Variants in YWHAZ observed in about 807,000 individuals in gnomAD.
YWHAZ encodes the protein tyrosine 3-monooxygenase/tryptophan 5-monooxygenase activation protein zeta.
For synonymous variants in YWHAZ, 87 were observed against 103.6 expected (o/e 0.84, Z 0.97); for missense variants, 79 against 284.8 (o/e 0.28, Z 5.20).
chr8:100,943,164 A>G (rs1452128053), intron 2 of YWHAZ, among the ~76,000 whole-genome samples: 6 of 152,236 alleles, frequency 3.9e-5, no homozygotes, highest in Non-Finnish European at 7.3e-5. Context: ...TTCAAAAGGA[A>G]AAGGAATGCT....
chr8:100,925,339 C>T (rs1304707589), intron 2 of YWHAZ, among the ~76,000 whole-genome samples: 1 of 152,286 alleles, frequency 6.6e-6, no homozygotes, highest in Non-Finnish European at 1.5e-5. Context: ...GGGGCATGAC[C>T]GTTCACATTT....
intron 2 of YWHAZ, among the ~76,000 whole-genome samples, chr8:100,928,536 A>G (rs886217326): frequency 6.6e-6 from 1 of 152,090 alleles, no homozygotes; most frequent in African/African-American, 2.4e-5. Context: ...GTTCGAGACC[A>G]GCCTGGCCAA....
intron 2 of YWHAZ, among the ~76,000 whole-genome samples, chr8:100,934,323 C>CT (rs11398423): frequency 0.5 from 71,602 of 144,586 alleles, 17,607 homozygotes; most frequent in East Asian, 0.63. Context: ...GAGACCCTAT[C>CT]TTTTTTTTTT....
At chr8:100,934,307 C>T (rs1362767574) in intron 2 of YWHAZ, among the ~76,000 whole-genome samples, 1 of 146,018 alleles carries the variant, frequency 6.8e-6, no homozygotes, top group Non-Finnish European at 1.5e-5. Flanking sequence ...GCATGGGGGA[C>T]AGAGGGAGAC....
chr8:100,943,015 T>C (rs1313786608), intron 2 of YWHAZ, among the ~76,000 whole-genome samples: 2 of 152,208 alleles, frequency 1.3e-5, no homozygotes, highest in Non-Finnish European at 2.9e-5. Context: ...TCAGCGTGAA[T>C]GTAAAGGATA....
At chr8:100,951,512 C>A (rs912562904) in intron 1 of YWHAZ, 1 of 985,452 alleles carries the variant, frequency 1.0e-6, no homozygotes. Context: ...CGGGCGGAAG[C>A]GAGAAGGGCG....
In YWHAZ at chr8:100,948,256, C is replaced by T; in HGVS notation, c.294+340G>A. ...TAAAATTCCTTTATCCACAGATGTA[C>T]ATTTAAGATAACCAGCTATAGAGCT... On this transcript the variant is annotated intron_variant, in intron 2 of 5. Transcript: ENST00000395958. The surrounding 1 kb of genome is among the most constrained non-coding windows in gnomAD (Gnocchi z 4.2). 1 of 918,054 alleles carries T rather than the reference C, an allele frequency of 1.1e-6. No homozygotes were observed. Among genetic ancestry groups the T allele is most frequent in the Non-Finnish European group, 1.6e-6 (1 of 636,424 alleles). The allele number at this position is 918,054 out of a possible 1,614,324, so 56.9% of individuals were successfully genotyped here.
chr8:100,940,889 C>A (rs1281178573), intron 2 of YWHAZ, among the ~76,000 whole-genome samples: 1 of 152,178 alleles, frequency 6.6e-6, no homozygotes, highest in Admixed American at 6.5e-5. Flanking sequence ...GTAGTATACA[C>A]TTTAGTATCC....
At position 100,948,952 on chromosome 8, in the gene YWHAZ, G is replaced by C; in HGVS notation, c.-11-52C>G. ...AAAATTTTTCCCATCAAAATAAACA[G>C]ACTCAAAATTATACCTGTGGTAAAT... On this transcript the variant is annotated intron_variant, in intron 1 of 5. Transcript: ENST00000395958. The surrounding 1 kb of genome is among the most constrained non-coding windows in gnomAD (Gnocchi z 4.2). The C allele has an allele frequency of 6.6e-7, 1 of 1,520,022 alleles. No homozygotes were observed. The highest frequency in any genetic ancestry group is 8.7e-7 in the Non-Finnish European group (1 of 1,143,028). 94.2% of individuals were successfully genotyped at this position (1,520,022 alleles called of 1,614,324 possible).
In YWHAZ at chr8:100,948,599, T is replaced by C; in HGVS notation, c.291A>G (p.Val97=). ...GCCAGACTGAATTGATTCTCACCAGTACATCATTGCAGATATCTCTTAGCT... is the reference window on the plus strand; with the variant it reads ...GCCAGACTGAATTGATTCTCACCAGCACATCATTGCAGATATCTCTTAGCT... ...ETELRDICND[V]LSLLEKFLIP... Residue 97 remains valine, a synonymous_variant, in exon 2 of 6, where the codon GTA becomes GTG. Transcript: ENST00000395958. The surrounding 1 kb of genome is among the most constrained non-coding windows in gnomAD (Gnocchi z 4.2). 7.4e-6 allele frequency: 12 copies of C among 1,611,282 alleles called. No homozygotes were observed. The highest frequency in any genetic ancestry group is 1.0e-5 in the Non-Finnish European group (12 of 1,179,692).
Position 100,920,730 on chromosome 8 carries a change from C to T in YWHAZ, c.701G>A (p.Gly234Glu). Residue 234 changes from glycine (G) to glutamate (E), a missense_variant, in exon 6 of 6, where the codon GGA becomes GAA. Transcript: ENST00000395958. Reference sequence around the variant, plus strand: ...TCCTTCTCCTGCTTCAGCTTCGTCTCCTTGGGTATCCGATGTCCACAACTG... The same window carrying T: ...TCCTTCTCCTGCTTCAGCTTCGTCTTCTTGGGTATCCGATGTCCACAACTG... The part of the protein sequence containing the change: ...NLTLWTSDTQ[G>E]DEAEAGEGGE... The T allele has an allele frequency of 1.9e-6, 3 of 1,579,832 alleles. No individual in the cohort carries two copies. The highest frequency in any genetic ancestry group is 2.6e-6 in the Non-Finnish European group (3 of 1,164,746).
chr8:100,938,647 T>C (rs1268813260), intron 2 of YWHAZ, among the ~76,000 whole-genome samples: 1 of 152,218 alleles, frequency 6.6e-6, no homozygotes, highest in Admixed American at 6.5e-5. Flanking sequence ...GTAGAGACAC[T>C]GGGCCTTGTA....
Position 100,916,679 on chromosome 8 carries a change from A to C in YWHAZ, c.*4014T>G, listed in dbSNP as rs1812726908. 1 of 152,244 alleles carries C rather than the reference A, an allele frequency of 6.6e-6. No individual in the cohort carries two copies. The highest frequency in any genetic ancestry group is 6.5e-5 in the Admixed American group (1 of 15,286). The allele number at this position is 152,244 out of a possible 1,614,324, so 9.4% of individuals were successfully genotyped here. On this transcript the variant is annotated 3_prime_UTR_variant, in exon 6 of 6. Coordinates refer to ENST00000395958, the MANE Select transcript of YWHAZ (RefSeq NM_145690.3). ...AACTCAAATATGATCAAATATTCAC[A>C]TCTCTGGTATCACCTAGGATTGGCT...
chr8:100,952,023 T>A (rs1383083511), upstream of YWHAZ: 8 of 994,678 alleles, frequency 8.0e-6, no homozygotes, highest in Non-Finnish European at 9.6e-6. Context: ...ACTCTGTCCC[T>A]GGATCTCGCT....
chr8:100,920,327 T>C lies in YWHAZ; in HGVS notation c.*366A>G. 1 of 209,878 alleles carries C rather than the reference T, an allele frequency of 4.8e-6. No homozygotes were observed. The highest frequency in any genetic ancestry group is 1.3e-4 in the East Asian group (1 of 7,460). 13.0% of individuals were successfully genotyped at this position (209,878 alleles called of 1,614,324 possible). ...TGACTGGAACCAATGATCCCTTTTA[T>C]TCCCCGCCAGGACAAACCAGTATGT... On this transcript the variant is annotated 3_prime_UTR_variant, in exon 6 of 6. Transcript: ENST00000395958.
At position 100,934,157 on chromosome 8, in the gene YWHAZ, C is replaced by CAAAAAAAAAA. The variant is rs35069019; in HGVS notation, c.295-9128_295-9119dup. Among the ~76,000 whole-genome samples the CAAAAAAAAAA allele has an allele frequency of 3.8e-5, 3 of 78,228 alleles. 1 individual carries two copies. Among genetic ancestry groups the CAAAAAAAAAA allele is most frequent in the African/African-American group, 1.5e-4 (3 of 20,456 alleles). The allele number at this position is 78,228 out of a possible 152,430, so 51.3% of individuals were successfully genotyped here. ...CTGGGCAACAAAGCTAGACTCGTCT[C>CAAAAAAAAAA]AAAAAAAAAAAAAAAAAAAAAAAAA... is the stretch of plus-strand genomic sequence containing the variant. On this transcript the variant is annotated intron_variant, in intron 2 of 5. Coordinates refer to ENST00000395958, the MANE Select transcript of YWHAZ (RefSeq NM_145690.3).
chr8:100,929,727 G>A (rs1228319040), intron 2 of YWHAZ, among the ~76,000 whole-genome samples: 1 of 152,168 alleles, frequency 6.6e-6, no homozygotes, highest in African/African-American at 2.4e-5. Context: ...TAAGTATGTT[G>A]CTTTGTCAAA....
chr8:100,935,811 T>C (rs141126700), intron 2 of YWHAZ, among the ~76,000 whole-genome samples: 1 of 152,278 alleles, frequency 6.6e-6, no homozygotes, highest in African/African-American at 2.4e-5. Context: ...ATGACCAGCC[T>C]CCTCCTCACC....
Position 100,924,530 on chromosome 8 carries a change from T to C in YWHAZ, c.419-232A>G, listed in dbSNP as rs985640358. Among the ~76,000 whole-genome samples the C allele has an allele frequency of 5.3e-5, 8 of 152,118 alleles. No homozygotes were observed. Among genetic ancestry groups the C allele is most frequent in the Admixed American group, 3.3e-4 (5 of 15,256 alleles). On this transcript the variant is annotated intron_variant, in intron 3 of 5. Coordinates refer to ENST00000395958, the MANE Select transcript of YWHAZ (RefSeq NM_145690.3). This position sits in a 1 kb window ranked among gnomAD's most constrained non-coding sequence, Gnocchi z 5.7. ...CTTTATAATCTCATTATTGTTATGT[T>C]TTTAAAAAATTGACGAGTTTTGACA... is the stretch of plus-strand genomic sequence containing the variant.
Sources: gnomAD v4.1 joint callset for allele counts (sites outside exome capture counted in the v4.1 genomes callset) on GRCh38, gnomAD v4.1.1 for gene constraint, Gnocchi (gnomAD v3.1) non-coding constraint, MANE v1.5 for transcripts, NCBI Gene and HGNC (gene_info 2026-07-23, HGNC 2026-07-21) for gene names.